CPED1: variants seen among roughly 807,000 people sequenced by gnomAD.
CPED1 encodes the protein cadherin-like and PC-esterase domain-containing protein 1.
Under a neutral mutation model 128.2 loss-of-function variants are expected in CPED1, and 114 were observed. That is an observed-to-expected ratio of 0.89 (90% CI 0.76 to 1.04). The LOEUF is 1.04. Ranked by LOEUF, CPED1 falls within the 50% of genes least tolerant of loss-of-function variation. The probability of loss-of-function intolerance (pLI) is 0.00; values close to 1 mark genes in which losing one functional copy is unlikely to be tolerated. For synonymous variants in CPED1, 462 were observed against 426.7 expected (o/e 1.08, Z -1.02); for missense variants, 1,211 against 1,207.1 (o/e 1.00, Z -0.05).
chr7:121,205,290 T>C (rs1015254162), intron 16 of CPED1, among the ~76,000 whole-genome samples: 1 of 152,084 alleles, frequency 6.6e-6, no homozygotes, highest in African/African-American at 2.4e-5. Flanking sequence ...ATTTTATACA[T>C]CCCACTCATC....
chr7:121,039,997 G>T (rs1408729276), intron 3 of CPED1, among the ~76,000 whole-genome samples: 1 of 151,950 alleles, frequency 6.6e-6, no homozygotes, highest in Non-Finnish European at 1.5e-5. Flanking sequence ...CCTCTTGTTG[G>T]GCAGAAAGAG....
intron 16 of CPED1, among the ~76,000 whole-genome samples, chr7:121,145,723 A>C (rs192000578): frequency 6.9e-6 from 1 of 144,542 alleles, no homozygotes; most frequent in Non-Finnish European, 1.5e-5. Flanking sequence ...TTAGGTTTCA[A>C]ATTAATAGCT....
intron 5 of CPED1, among the ~76,000 whole-genome samples, chr7:121,094,457 G>A (rs950996168): frequency 2.6e-5 from 4 of 152,084 alleles, no homozygotes; most frequent in African/African-American, 7.2e-5. Context: ...AGAAGTAATC[G>A]AATAAAATGT....
At chr7:121,293,587 G>A (rs772202428) in intron 22 of CPED1, among the ~76,000 whole-genome samples, 8 of 152,176 alleles carry the variant, frequency 5.3e-5, no homozygotes, top group African/African-American at 1.9e-4. Flanking sequence ...CTCAGTGTGT[G>A]CCCAAATGGC....
chr7:121,210,260 A>G (rs1024296490), intron 16 of CPED1, among the ~76,000 whole-genome samples: 1 of 152,032 alleles, frequency 6.6e-6, no homozygotes, highest in Non-Finnish European at 1.5e-5. Flanking sequence ...AGGTTCTTCA[A>G]AAAACTAAAA....
chr7:121,253,636 A>G (rs1310574195), intron 18 of CPED1, among the ~76,000 whole-genome samples: 1 of 152,058 alleles, frequency 6.6e-6, no homozygotes, highest in East Asian at 1.9e-4. Context: ...CAGAGTAGCA[A>G]TCTGGGTAAA....
intron 5 of CPED1, among the ~76,000 whole-genome samples, chr7:121,088,123 G>A (rs1198198695): frequency 2.0e-5 from 3 of 152,012 alleles, no homozygotes; most frequent in Non-Finnish European, 4.4e-5. Flanking sequence ...CTATTCTTAG[G>A]CATTTATTTA....
chr7:121,040,246 T>C (rs1355172741), intron 3 of CPED1, among the ~76,000 whole-genome samples: 1 of 152,144 alleles, frequency 6.6e-6, no homozygotes, highest in African/African-American at 2.4e-5. Flanking sequence ...CTTCCGTACA[T>C]ACGATTTCTC....
chr7:121,037,162 C>A (rs1333543228), intron 3 of CPED1, among the ~76,000 whole-genome samples: 1 of 151,886 alleles, frequency 6.6e-6, no homozygotes, highest in Admixed American at 6.6e-5. Context: ...TTCTATTTAT[C>A]TTTGTTTTGG....
chr7:121,263,759 AG>A (rs2116740424), intron 18 of CPED1, among the ~76,000 whole-genome samples: 1 of 152,202 alleles, frequency 6.6e-6, no homozygotes, highest in African/African-American at 2.4e-5. Context: ...CCCACAATAC[AG>A]ATATCTAGGG....
At chr7:121,251,504 T>C (rs1460099179) in intron 18 of CPED1, among the ~76,000 whole-genome samples, 2 of 152,096 alleles carry the variant, frequency 1.3e-5, no homozygotes, top group Non-Finnish European at 2.9e-5. Flanking sequence ...GGCATTCAAT[T>C]AGGAAAAGAG....
chr7:121,107,005 T>C (rs1794993686), intron 7 of CPED1, among the ~76,000 whole-genome samples: 1 of 152,102 alleles, frequency 6.6e-6, no homozygotes, highest in South Asian at 2.1e-4. Context: ...CAGCACCATC[T>C]TAATTTTTTA....
intron 4 of CPED1, among the ~76,000 whole-genome samples, chr7:121,052,990 A>G (rs569583521): frequency 6.6e-6 from 1 of 152,244 alleles, no homozygotes. Context: ...AAGTGCTGGG[A>G]TTACAGAGGT....
intron 4 of CPED1, among the ~76,000 whole-genome samples, chr7:121,057,092 C>T (rs1488602683): frequency 6.6e-6 from 1 of 152,092 alleles, no homozygotes; most frequent in Non-Finnish European, 1.5e-5. Flanking sequence ...ATTCTCCTGC[C>T]TCAGCCTCCT....
At chr7:121,044,648 C>CTTTTTTTTTGTTTTTT (rs35159862) in intron 3 of CPED1, among the ~76,000 whole-genome samples, 1 of 69,540 alleles carries the variant, frequency 1.4e-5, no homozygotes, top group Non-Finnish European at 2.8e-5. Flanking sequence ...TGACTTTCTG[C>CTTTTTTTTTGTTTTTT]TCTTTTTTTT....
intron 16 of CPED1, among the ~76,000 whole-genome samples, chr7:121,174,713 TG>T (rs1796735506): frequency 6.6e-6 from 1 of 152,164 alleles, no homozygotes; most frequent in Non-Finnish European, 1.5e-5. Flanking sequence ...CGGGCTTTTT[TG>T]GTTGTTCCAT....
At chr7:121,228,416 G>A (rs1442124686) in intron 16 of CPED1, among the ~76,000 whole-genome samples, 1 of 146,408 alleles carries the variant, frequency 6.8e-6, no homozygotes, top group Non-Finnish European at 1.5e-5. Flanking sequence ...TCAGAGAAAT[G>A]CAAATGAAAA....
intron 18 of CPED1, among the ~76,000 whole-genome samples, chr7:121,257,436 G>A (rs1791912007): frequency 6.6e-6 from 1 of 152,012 alleles, no homozygotes; most frequent in South Asian, 2.1e-4. Flanking sequence ...CTAAAAGTCT[G>A]TATTTGAAAA....
intron 2 of CPED1, among the ~76,000 whole-genome samples, chr7:120,990,697 T>G (rs1326649876): frequency 3.3e-5 from 5 of 152,174 alleles, no homozygotes; most frequent in Non-Finnish European, 7.4e-5. Flanking sequence ...AAATTTTATG[T>G]TACAACAAGT....
Sources: allele counts gnomAD v4.1 joint callset (sites outside exome capture counted in the v4.1 genomes callset), GRCh38; gene constraint gnomAD v4.1.1; transcripts MANE v1.5; gene names NCBI Gene and HGNC (gene_info 2026-07-23, HGNC 2026-07-21).